Variants in EXOC2 observed in about 807,000 individuals in gnomAD.
EXOC2 encodes SEC5-like 1.
Under a neutral mutation model 131.8 loss-of-function variants are expected in EXOC2, and 70 were observed. The ratio of observed to expected loss-of-function variants is 0.53; its 90% CI spans 0.44 to 0.65. The LOEUF is 0.65. EXOC2 is among the 30% of genes least tolerant of loss of function. The probability of loss-of-function intolerance (pLI) is 0.00; values close to 1 mark genes in which losing one functional copy is unlikely to be tolerated. For synonymous variants in EXOC2, 411 were observed against 398.4 expected, an observed-to-expected ratio of 1.03 and a Z score of -0.38; for missense variants, 923 against 1,108.6, an observed-to-expected ratio of 0.83 and a Z score of 2.38.
chr6:682,524 T>C (rs1463967026), intron 1 of EXOC2, among the ~76,000 whole-genome samples: 3 of 152,156 alleles, frequency 2.0e-5, no homozygotes, highest in Non-Finnish European at 4.4e-5. Flanking sequence ...TACAAGTTCA[T>C]TTCCACACAT....
chr6:562,255 C>G (rs890944284), intron 17 of EXOC2, among the ~76,000 whole-genome samples: 1 of 152,168 alleles, frequency 6.6e-6, no homozygotes, highest in Admixed American at 6.5e-5. Flanking sequence ...CCCACAGGAC[C>G]GCGAGGGGCA....
chr6:550,232 T>C (rs1365632715), intron 21 of EXOC2, among the ~76,000 whole-genome samples: 2 of 152,214 alleles, frequency 1.3e-5, no homozygotes, highest in Non-Finnish European at 2.9e-5. Context: ...GCTCTTTCTG[T>C]GCATAACCAG....
At chr6:658,667 T>TATATTTTATATATATATATATATATA (rs1561983437) in intron 1 of EXOC2, among the ~76,000 whole-genome samples, 5 of 65,154 alleles carry the variant, frequency 7.7e-5, no homozygotes, top group Admixed American at 3.5e-4. Flanking sequence ...ATATATATAT[T>TATATTTTATATATATATATATATATA]TTTTTTTTTT....
chr6:585,947 C>A (rs1759182451), intron 11 of EXOC2, among the ~76,000 whole-genome samples: 1 of 152,166 alleles, frequency 6.6e-6, no homozygotes. Context: ...CTACTTAAAA[C>A]TTGTTTTCTT....
In EXOC2 at chr6:499,699, A is replaced by C; in HGVS notation, c.2382T>G (p.Gly794=). The C allele has an allele frequency of 6.2e-7, 1 of 1,613,320 alleles. No individual in the cohort carries two copies. Among genetic ancestry groups the C allele is most frequent in the East Asian group, 2.2e-5 (1 of 44,854 alleles). ...FDWKDCLPPT[G]VRNYLKEALV... ...GTGCTTCTTTTAAATAGTTTCTGAC[A>C]CCTGAAATTGAAATAAAGGAGAGAA... Residue 794 remains glycine, a splice_region_variant and synonymous_variant, in exon 24 of 28, where the codon GGT becomes GGG. Transcript: ENST00000230449.
At chr6:593,236 T>G (rs994137943) in intron 10 of EXOC2, among the ~76,000 whole-genome samples, 2 of 152,216 alleles carry the variant, frequency 1.3e-5, no homozygotes, top group Non-Finnish European at 2.9e-5. Flanking sequence ...GTCATTATAT[T>G]AGACACAGGT....
chr6:529,355 G>T (rs892957677), intron 23 of EXOC2, among the ~76,000 whole-genome samples: 1 of 152,234 alleles, frequency 6.6e-6, no homozygotes, highest in Non-Finnish European at 1.5e-5. Context: ...ATACACTAAA[G>T]ATGCCTCGCT....
chr6:565,011 A>T (rs2127586224), intron 13 of EXOC2, 82 bp from the exon 14 acceptor site: 1 of 1,037,286 alleles, frequency 9.6e-7, no homozygotes, highest in African/African-American at 1.6e-5. Flanking sequence ...ACATCAAGAG[A>T]ACATTAAATA....
intron 22 of EXOC2, among the ~76,000 whole-genome samples, chr6:545,153 C>A (rs1175697835): frequency 2.1e-3 from 178 of 85,474 alleles, no homozygotes; most frequent in East Asian, 0.011. Context: ...GACTCCGTCT[C>A]AAAAAAAAAA....
chr6:547,888 C>T (rs1412725389), intron 22 of EXOC2, among the ~76,000 whole-genome samples: 1 of 152,190 alleles, frequency 6.6e-6, no homozygotes, highest in Non-Finnish European at 1.5e-5. Flanking sequence ...AATTCTACTT[C>T]TTAGTGATAT....
chr6:624,735 A>G (rs375458964), intron 4 of EXOC2, among the ~76,000 whole-genome samples: 2 of 152,250 alleles, frequency 1.3e-5, no homozygotes, highest in East Asian at 3.8e-4. Flanking sequence ...GCTGCTTTCA[A>G]ATGAAGAGAA....
At chr6:546,723 C>G (rs1437834307) in intron 22 of EXOC2, among the ~76,000 whole-genome samples, 1 of 152,188 alleles carries the variant, frequency 6.6e-6, no homozygotes, top group Non-Finnish European at 1.5e-5. Flanking sequence ...TCTTAACATT[C>G]TCTTTTCTCC....
chr6:687,646 T>C (rs1426499845), intron 1 of EXOC2, among the ~76,000 whole-genome samples: 5 of 152,190 alleles, frequency 3.3e-5, no homozygotes. Context: ...ATTTATTCAG[T>C]CAAATAAATG....
At chr6:625,686 G>T (rs1371561854) in intron 4 of EXOC2, among the ~76,000 whole-genome samples, 2 of 152,004 alleles carry the variant, frequency 1.3e-5, no homozygotes, top group Non-Finnish European at 2.9e-5. Flanking sequence ...TTAAAATACA[G>T]TCTTCTAAAT....
chr6:652,055 C>CAAAAAAAAAAAAAAAAA (rs779403495), intron 1 of EXOC2, among the ~76,000 whole-genome samples: 1 of 78,002 alleles, frequency 1.3e-5, no homozygotes, highest in East Asian at 4.1e-4. Context: ...GATTCCATCT[C>CAAAAAAAAAAAAAAAAA]AAAAAAAAAA....
At chr6:637,410 G>C (rs562659453) in intron 2 of EXOC2, among the ~76,000 whole-genome samples, 2 of 152,330 alleles carry the variant, frequency 1.3e-5, no homozygotes, top group South Asian at 4.1e-4. Context: ...TATAAAAGCA[G>C]CTCTTTTGAC....
intron 23 of EXOC2, among the ~76,000 whole-genome samples, chr6:520,784 C>A (rs2493022): frequency 1.0e-5 from 1 of 97,310 alleles, no homozygotes; most frequent in Admixed American, 1.0e-4. Flanking sequence ...ACCCACCGAG[C>A]ACCAACACTC....
intron 1 of EXOC2, among the ~76,000 whole-genome samples, chr6:668,279 T>A (rs952977836): frequency 1.3e-5 from 2 of 152,230 alleles, no homozygotes; most frequent in Non-Finnish European, 2.9e-5. Context: ...GCCTCCATCA[T>A]GTCTCTCCTA....
chr6:560,693 C>G (rs193066369), intron 17 of EXOC2, among the ~76,000 whole-genome samples: 8 of 151,604 alleles, frequency 5.3e-5, no homozygotes, highest in Admixed American at 2.6e-4. Flanking sequence ...GAAACCCAAT[C>G]GATTAAAATT....
Sources: gnomAD v4.1 joint callset for allele counts (sites outside exome capture counted in the v4.1 genomes callset) on GRCh38, gnomAD v4.1.1 for gene constraint, MANE v1.5 for transcripts, NCBI Gene and HGNC (gene_info 2026-07-23, HGNC 2026-07-21) for gene names.